CPNE8: variants seen among roughly 807,000 people sequenced by gnomAD.
CPNE8 encodes copine 8, also known as copine-8.
In CPNE8, 45 loss-of-function variants were observed where a neutral mutation model predicts 81.5. The observed-to-expected ratio is 0.55, with a 90% CI of 0.44 to 0.71. The LOEUF is 0.71. Among genes scored for constraint, CPNE8 ranks in the 30% least tolerant of loss-of-function variants. CPNE8 has a pLI of 0.00. For synonymous variants in CPNE8, 252 were observed against 226.3 expected (o/e 1.11, Z -1.02); for missense variants, 594 against 672.1 (o/e 0.88, Z 1.28).
chr12:38,700,431 G>T (rs1292094141), intron 14 of CPNE8, among the ~76,000 whole-genome samples: 1 of 151,632 alleles, frequency 6.6e-6, no homozygotes, highest in Non-Finnish European at 1.5e-5. Context: ...TAGAGACGGG[G>T]TTTCACCATG....
intron 1 of CPNE8, among the ~76,000 whole-genome samples, chr12:38,895,855 A>G (rs1428487653): frequency 6.6e-6 from 1 of 152,176 alleles, no homozygotes; most frequent in East Asian, 1.9e-4. Flanking sequence ...GCTAATGGTC[A>G]TAAGCTTATG....
At chr12:38,812,644 A>T (rs1191468206) in intron 6 of CPNE8, among the ~76,000 whole-genome samples, 1 of 152,118 alleles carries the variant, frequency 6.6e-6, no homozygotes, top group Non-Finnish European at 1.5e-5. Flanking sequence ...ACATGGCCAA[A>T]CCATATCAGT....
At chr12:38,812,840 G>T (rs1301498033) in intron 6 of CPNE8, among the ~76,000 whole-genome samples, 1 of 152,200 alleles carries the variant, frequency 6.6e-6, no homozygotes, top group Non-Finnish European at 1.5e-5. Flanking sequence ...CAGCAAGAAA[G>T]TCCTTACCGG....
At chr12:38,696,348 T>A (rs535902462) in intron 14 of CPNE8, among the ~76,000 whole-genome samples, 3 of 151,286 alleles carry the variant, frequency 2.0e-5, no homozygotes, top group South Asian at 4.2e-4. Context: ...TCTCTTATAC[T>A]GTTATGGATC....
At chr12:38,831,782 T>C (rs1168316910) in intron 5 of CPNE8, among the ~76,000 whole-genome samples, 2 of 152,150 alleles carry the variant, frequency 1.3e-5, no homozygotes, top group Non-Finnish European at 1.5e-5. Context: ...AAACTGAAGA[T>C]CTGAAATGTA....
At chr12:38,697,473 G>GT (rs552258340) in intron 14 of CPNE8, among the ~76,000 whole-genome samples, 34 of 152,224 alleles carry the variant, frequency 2.2e-4, no homozygotes, top group Middle Eastern at 6.8e-3. Flanking sequence ...TCACGTATAA[G>GT]TTTTTTTGCT....
intron 1 of CPNE8, among the ~76,000 whole-genome samples, chr12:38,896,596 T>C (rs928302233): frequency 1.3e-5 from 2 of 152,164 alleles, no homozygotes; most frequent in Non-Finnish European, 2.9e-5. Context: ...AATGTTCTTT[T>C]GTTCTAAAAC....
At chr12:38,775,787 ATGGAACCAATATAAATTC>A (rs1941921211) in intron 7 of CPNE8, among the ~76,000 whole-genome samples, 1 of 152,226 alleles carries the variant, frequency 6.6e-6, no homozygotes, top group South Asian at 2.1e-4. Flanking sequence ...CTAACAAGAG[ATGGAACCAATATAAATTC>A]TGGATTAATT....
At chr12:38,755,551 T>C (rs1164484725) in intron 10 of CPNE8, among the ~76,000 whole-genome samples, 2 of 152,126 alleles carry the variant, frequency 1.3e-5, no homozygotes, top group Non-Finnish European at 2.9e-5. Flanking sequence ...AGCTTTTCAA[T>C]TGTTAAAGTG....
rs1178443872 is a variant in CPNE8, at chr12:38,784,528, A to G, written c.408-8227T>C. Among the ~76,000 whole-genome samples the G allele has an allele frequency of 2.0e-5, 3 of 152,174 alleles. No individual in the cohort carries two copies. In the East Asian group the frequency reaches 5.8e-4, roughly 29 times the overall value. The stretch of plus-strand genomic sequence containing the variant: ...CAATACCCAAGGATAAAAAAGTTAT[A>G]CTACACCAAACAGATTTAACCCAAA... On this transcript the variant is annotated intron_variant, in intron 6 of 19. Transcript: ENST00000331366.
intron 9 of CPNE8, among the ~76,000 whole-genome samples, chr12:38,761,765 T>G (rs986684596): frequency 1.3e-5 from 2 of 152,190 alleles, no homozygotes; most frequent in African/African-American, 4.8e-5. Flanking sequence ...ACTATGGAAC[T>G]TTTGTGAATC....
chr12:38,680,969 T>C (rs1008825243), intron 16 of CPNE8, among the ~76,000 whole-genome samples: 7 of 151,844 alleles, frequency 4.6e-5, no homozygotes, highest in African/African-American at 1.7e-4. Context: ...AGATCCCCCT[T>C]AAAATTGAAA....
chr12:38,795,080 G>T (rs977461986), intron 6 of CPNE8, among the ~76,000 whole-genome samples: 1 of 152,152 alleles, frequency 6.6e-6, no homozygotes, highest in African/African-American at 2.4e-5. Flanking sequence ...TATACCAATG[G>T]CTCTTGGGCC....
chr12:38,758,147 A>ACT (rs34541514), intron 10 of CPNE8, among the ~76,000 whole-genome samples: 55,885 of 149,040 alleles, frequency 0.37, 10,689 homozygotes, highest in Non-Finnish European at 0.45. Context: ...CTGTGAACAA[A>ACT]CTCTCTCTCT....
chr12:38,853,118 C>A (rs1943673096), intron 3 of CPNE8, among the ~76,000 whole-genome samples: 1 of 152,078 alleles, frequency 6.6e-6, no homozygotes, highest in South Asian at 2.1e-4. Flanking sequence ...CTGGTTATTT[C>A]CTGGATGCTG....
intron 13 of CPNE8, among the ~76,000 whole-genome samples, chr12:38,712,152 G>A (rs1344374975): frequency 6.6e-6 from 1 of 150,788 alleles, no homozygotes; most frequent in Non-Finnish European, 1.5e-5. Context: ...TGCATGTTCT[G>A]GCCAGATGTG....
chr12:38,696,662 T>C (rs1014552842), intron 14 of CPNE8, among the ~76,000 whole-genome samples: 4 of 152,202 alleles, frequency 2.6e-5, no homozygotes, highest in Non-Finnish European at 5.9e-5. Flanking sequence ...AGAGATGTAC[T>C]ATACCTTTGT....
intron 6 of CPNE8, among the ~76,000 whole-genome samples, chr12:38,814,654 A>T (rs1173499719): frequency 8.6e-5 from 13 of 152,040 alleles, no homozygotes; most frequent in Admixed American, 7.9e-4. Context: ...TTGCTGAACA[A>T]TGGAATTTTA....
intron 13 of CPNE8, 62 bp from the exon 14 acceptor site, chr12:38,702,983 T>C: frequency 8.8e-7 from 1 of 1,142,558 alleles, no homozygotes. Context: ...GAGTTTCTTT[T>C]CCATTTCGGT....
Sources: gnomAD v4.1 joint callset for allele counts (sites outside exome capture counted in the v4.1 genomes callset) on GRCh38, gnomAD v4.1.1 for gene constraint, MANE v1.5 for transcripts, NCBI Gene and HGNC (gene_info 2026-07-23, HGNC 2026-07-21) for gene names.